RAPGEF6: variants seen among roughly 807,000 people sequenced by gnomAD.
RAPGEF6 encodes Rap guanine nucleotide exchange factor 6, also known as PDZ domain containing guanine nucleotide exchange factor (GEF) 2.
A neutral mutation model predicts 171.4 loss-of-function variants in RAPGEF6; 56 were observed. The observed-to-expected ratio is 0.33, with a 90% CI of 0.26 to 0.41. The LOEUF (loss-of-function observed/expected upper bound fraction) is 0.41. Ranked by LOEUF, RAPGEF6 falls within the 10% of genes least tolerant of loss-of-function variation. The probability of loss-of-function intolerance (pLI) is 1.00; values close to 1 mark genes in which losing one functional copy is unlikely to be tolerated. For missense variants in RAPGEF6, 1,674 were observed against 1,921.4 expected, an observed-to-expected ratio of 0.87 and a Z score of 2.41; for synonymous variants, 692 against 650.1, an observed-to-expected ratio of 1.06 and a Z score of -0.98.
intron 1 of RAPGEF6, among the ~76,000 whole-genome samples, chr5:131,605,768 C>T (rs898584398): frequency 7.9e-5 from 12 of 152,000 alleles, no homozygotes; most frequent in Admixed American, 6.6e-5. Flanking sequence ...CGGTGGCTCA[C>T]GCCTGTAATC....
chr5:131,617,386 G>A (rs545051594), intron 1 of RAPGEF6, among the ~76,000 whole-genome samples: 34 of 152,330 alleles, frequency 2.2e-4, no homozygotes, highest in African/African-American at 8.2e-4. Flanking sequence ...TACTACTTGT[G>A]TAAACTTGGA....
At chr5:131,476,144 G>A (rs1236795717) in intron 16 of RAPGEF6, among the ~76,000 whole-genome samples, 1 of 152,176 alleles carries the variant, frequency 6.6e-6, no homozygotes, top group Non-Finnish European at 1.5e-5. Flanking sequence ...CTGATGTGTA[G>A]TAGAATTTAT....
chr5:131,570,446 C>T (rs1762210616), intron 4 of RAPGEF6, among the ~76,000 whole-genome samples: 1 of 152,134 alleles, frequency 6.6e-6, no homozygotes, highest in Non-Finnish European at 1.5e-5. Flanking sequence ...CAATTCTACT[C>T]CTGCATATCT....
At chr5:131,439,422 C>T (rs962172852) in intron 24 of RAPGEF6, among the ~76,000 whole-genome samples, 159 bp downstream of exon 24, 2 of 152,114 alleles carry the variant, frequency 1.3e-5, no homozygotes, top group South Asian at 2.1e-4. Flanking sequence ...ATCTAAAAAG[C>T]ATCTGAATAA....
rs1012953685 is a variant in RAPGEF6 at position 131,490,404 on chromosome 5, GA to G, written c.1732-751del. 2.1e-4 allele frequency among the ~76,000 whole-genome samples: 32 copies of G among 151,624 alleles called. 1 individual carries two copies. Among genetic ancestry groups the G allele is most frequent in the African/African-American group, 5.8e-4 (24 of 41,258 alleles). On this transcript the variant is annotated intron_variant, in intron 14 of 27. Transcript: ENST00000509018. ...CCATAGAAGTAAAATTCCCAGAGTT[GA>G]AAAAAGACTTGCATCTATGCACTAA... is the stretch of plus-strand genomic sequence containing the variant.
intron 14 of RAPGEF6, among the ~76,000 whole-genome samples, chr5:131,491,390 G>A (rs146676954): frequency 8.7e-4 from 133 of 152,204 alleles, no homozygotes; most frequent in Admixed American, 3.4e-3. Flanking sequence ...TGATAACATG[G>A]CTCCGTTAAA....
chr5:131,541,485 T>C (rs369011398), intron 6 of RAPGEF6, among the ~76,000 whole-genome samples: 1 of 152,140 alleles, frequency 6.6e-6, no homozygotes, highest in African/African-American at 2.4e-5. Flanking sequence ...TTATATGCCA[T>C]ATACTCTCAA....
chr5:131,570,518 A>AT (rs567705072), intron 4 of RAPGEF6, among the ~76,000 whole-genome samples: 2 of 152,168 alleles, frequency 1.3e-5, no homozygotes, highest in African/African-American at 2.4e-5. Flanking sequence ...TGATAGAAGC[A>AT]TTTTTGTGAC....
intron 22 of RAPGEF6, among the ~76,000 whole-genome samples, chr5:131,444,614 A>G (rs1474704802): frequency 6.6e-6 from 1 of 152,228 alleles, no homozygotes; most frequent in Admixed American, 6.5e-5. Flanking sequence ...CATTTAACTA[A>G]ATGTTCAAAT....
intron 21 of RAPGEF6, chr5:131,449,929 A>G (rs1208762307): frequency 3.0e-6 from 4 of 1,312,868 alleles, no homozygotes; most frequent in Admixed American, 4.0e-5. Flanking sequence ...AATAGAATTC[A>G]TGCTATTTTA....
chr5:131,429,329 G>T, intron 26 of RAPGEF6, 113 bp from the exon 27 acceptor site: 1 of 886,764 alleles, frequency 1.1e-6, no homozygotes, highest in South Asian at 2.0e-5. Context: ...TAGACAAAAT[G>T]AATAAACTTG....
In RAPGEF6 at chr5:131,495,368, T is replaced by C. The variant is rs113832438; in HGVS notation, c.1527+185A>G. ...AATAAATGGAAGAGTCAGGAAGGAG[T>C]GTAAATGTTGTTTTAATTGAGGTGG... is the stretch of plus-strand genomic sequence containing the variant. On this transcript the variant is annotated intron_variant, in intron 13 of 27. Coordinates refer to ENST00000509018, the MANE Select transcript of RAPGEF6 (RefSeq NM_016340.6). 3.5e-3 allele frequency among the ~76,000 whole-genome samples: 519 copies of C among 147,972 alleles called. 4 individuals carry two copies. The highest frequency in any genetic ancestry group is 5.3e-3 in the Non-Finnish European group (351 of 66,750).
chr5:131,606,577 T>C (rs1764604967), intron 1 of RAPGEF6, among the ~76,000 whole-genome samples: 1 of 152,190 alleles, frequency 6.6e-6, no homozygotes, highest in Non-Finnish European at 1.5e-5. Context: ...ACTGATATGG[T>C]AAACTGTATT....
chr5:131,552,607 T>C (rs1447860950), intron 5 of RAPGEF6, among the ~76,000 whole-genome samples: 1 of 151,948 alleles, frequency 6.6e-6, no homozygotes, highest in African/African-American at 2.4e-5. Context: ...ATTACAGGCA[T>C]GCACCACCAC....
chr5:131,593,725 T>C (rs1336558948), intron 3 of RAPGEF6, among the ~76,000 whole-genome samples: 1 of 152,224 alleles, frequency 6.6e-6, no homozygotes, highest in Non-Finnish European at 1.5e-5. Flanking sequence ...GCCCCTGCCC[T>C]ACAGATCTAT....
intron 19 of RAPGEF6, among the ~76,000 whole-genome samples, chr5:131,460,796 A>G (rs1305545958): frequency 6.6e-6 from 1 of 152,198 alleles, no homozygotes; most frequent in Non-Finnish European, 1.5e-5. Flanking sequence ...TCCTATTACC[A>G]TGACAGGGTC....
Position 131,431,069 on chromosome 5 carries a change from T to C in RAPGEF6, c.4255A>G (p.Arg1419Gly). The C allele has an allele frequency of 6.2e-7, 1 of 1,614,218 alleles. No homozygotes were observed. Among genetic ancestry groups the C allele is most frequent in the Non-Finnish European group, 8.5e-7 (1 of 1,180,030 alleles). The change falls in exon 26 of 28, where the codon AGA (arginine) becomes GGA (glycine). Residue 1419 changes from arginine to glycine, a missense_variant. By Grantham distance (125) the Arg-to-Gly change is moderately radical. Transcript: ENST00000509018. ...CTTCCTTTACACTGCCCACAAGTTC[T>C]AGAGCAGCTTTTAGAACAGGAATAG... ...EPYSCSKSCSRTCGQCKGSLE... is the reference protein window; with the variant it reads ...EPYSCSKSCSGTCGQCKGSLE...
At chr5:131,479,915 A>G (rs987501194) in intron 15 of RAPGEF6, among the ~76,000 whole-genome samples, 162 bp from the exon 16 acceptor site, 12 of 152,112 alleles carry the variant, frequency 7.9e-5, no homozygotes, top group Non-Finnish European at 1.5e-4. Context: ...TTTAGCAGCT[A>G]TATCTTCTTC....
intron 26 of RAPGEF6, 109 bp downstream of exon 26, chr5:131,430,750 T>G (rs781667974): frequency 7.2e-7 from 1 of 1,392,362 alleles, no homozygotes; most frequent in Non-Finnish European, 1.0e-6. Flanking sequence ...AAAGAAAGGT[T>G]GTTAGAGAAT....
Sources: allele counts gnomAD v4.1 joint callset (sites outside exome capture counted in the v4.1 genomes callset), GRCh38; gene constraint gnomAD v4.1.1; transcripts MANE v1.5; gene names NCBI Gene and HGNC (gene_info 2026-07-23, HGNC 2026-07-21).